The following KYNU variants were observed in gnomAD, a reference collection of about 807,000 sequenced individuals.
KYNU encodes the protein L-kynurenine hydrolase.
KYNU carries 54 observed loss-of-function variants against 59.2 expected under a neutral mutation model. The observed-to-expected ratio is 0.91, with a 90% confidence interval of 0.73 to 1.14. KYNU has a LOEUF of 1.14. Ranked by LOEUF, KYNU falls within the 50% of genes most tolerant of loss-of-function variation. KYNU has a pLI of 0.00. For missense variants in KYNU, 567 were observed against 554.4 expected, an observed-to-expected ratio of 1.02 and a Z score of -0.23; for synonymous variants, 177 against 192.0, an observed-to-expected ratio of 0.92 and a Z score of 0.65.
rs1687233743 is a variant in KYNU, at chr2:143,049,805, CTT to C, written c.*7634_*7635del. The C allele has an allele frequency of 6.6e-6, 1 of 152,066 alleles. No homozygotes were observed. The highest frequency in any genetic ancestry group is 1.5e-5 in the Non-Finnish European group (1 of 68,016). The allele number at this position is 152,066 out of a possible 1,614,324, so 9.4% of individuals were successfully genotyped here. ...TTCTGTTGGAGTTCACATATGATGC[CTT>C]GTTTCCTTTGTAGTTTTGTGATTGA... is the stretch of plus-strand genomic sequence containing the variant. On this transcript the variant is annotated 3_prime_UTR_variant, in exon 14 of 14. Transcript: ENST00000264170.
rs1289062510 is a variant in KYNU, at chr2:142,960,566, A to G, written c.583-58A>G. ...TCACGGTGAAATTTAGATCGGCAAT[A>G]TGAAATTACAAATTTATTATTATCG... is the stretch of plus-strand genomic sequence containing the variant. On this transcript the variant is annotated intron_variant, in intron 7 of 13. Transcript: ENST00000264170. 3 of 1,514,222 alleles carry G rather than the reference A, an allele frequency of 2.0e-6. No individual in the cohort carries two copies. The African/African-American group carries it at 4.1e-5, about 21-fold the overall frequency. 93.8% of individuals were successfully genotyped at this position (1,514,222 alleles called of 1,614,324 possible). A position where few individuals can be genotyped will look rare whatever the true frequency, so the allele number is the denominator to read the frequency against.
In KYNU at chr2:142,929,610, T is replaced by C. The variant is rs573429774; in HGVS notation, c.373+1869T>C. 3.3e-5 allele frequency among the ~76,000 whole-genome samples: 5 copies of C among 152,284 alleles called. 1 individual carries two copies. The South Asian group carries it at 1.0e-3, about 32-fold the overall frequency. ...GTTGGGTTGACAAAAGACATCAATC[T>C]ACACATGTGAAGTATCCATAGGTTT... On this transcript the variant is annotated intron_variant, in intron 4 of 13. Transcript: ENST00000264170.
At chr2:142,946,208 C>T (rs569297359) in intron 4 of KYNU, among the ~76,000 whole-genome samples, 8 of 151,956 alleles carry the variant, frequency 5.3e-5, no homozygotes, top group African/African-American at 7.3e-5. Flanking sequence ...CAGCTTCCCC[C>T]GAGTACCTGG....
At chr2:143,006,059 T>C (rs1189766144) in intron 10 of KYNU, among the ~76,000 whole-genome samples, 2 of 152,160 alleles carry the variant, frequency 1.3e-5, no homozygotes, top group African/African-American at 2.4e-5. Context: ...GGAGCCAAGA[T>C]GGCCGAATAG....
At chr2:142,953,382 A>T (rs1487967504) in intron 4 of KYNU, among the ~76,000 whole-genome samples, 1 of 152,232 alleles carries the variant, frequency 6.6e-6, no homozygotes, top group East Asian at 1.9e-4. Context: ...TCTTAAAGGC[A>T]TTCCCAGAAT....
At chr2:142,946,050 AT>A (rs1400638475) in intron 4 of KYNU, among the ~76,000 whole-genome samples, 4 of 151,308 alleles carry the variant, frequency 2.6e-5, no homozygotes, top group African/African-American at 4.9e-5. Flanking sequence ...TTTTTTCCAA[AT>A]TTTTAACTTT....
chr2:143,042,695 T>C lies in KYNU; in HGVS notation c.*523T>C, dbSNP rs1309645326. Reference sequence around the variant, plus strand: ...TATATATATGATAGTGGCTTTCAAATTTTTTTGGGTACAATCCACATTGCT... The same window carrying C: ...TATATATATGATAGTGGCTTTCAAACTTTTTTGGGTACAATCCACATTGCT... On this transcript the variant is annotated 3_prime_UTR_variant, in exon 14 of 14. Coordinates refer to ENST00000264170, the MANE Select transcript of KYNU (RefSeq NM_003937.3). 1 of 149,324 alleles carries C rather than the reference T, an allele frequency of 6.7e-6. No homozygotes were observed. The highest frequency in any genetic ancestry group is 2.0e-4 in the East Asian group (1 of 5,112). The allele number at this position is 149,324 out of a possible 1,614,324, so 9.2% of individuals were successfully genotyped here.
intron 2 of KYNU, among the ~76,000 whole-genome samples, chr2:142,896,470 C>T (rs999361040): frequency 5.9e-5 from 9 of 152,050 alleles, no homozygotes; most frequent in East Asian, 1.9e-4. Context: ...ATTTTGACTA[C>T]TTTTTTTTAA....
At chr2:142,960,433 T>A (rs1314977097) in intron 7 of KYNU, among the ~76,000 whole-genome samples, 191 bp from the exon 8 acceptor site, 1 of 152,202 alleles carries the variant, frequency 6.6e-6, no homozygotes, top group Non-Finnish European at 1.5e-5. Context: ...TTTTACTTTT[T>A]AATTATCATT....
chr2:142,912,501 T>C (rs1252117517), intron 2 of KYNU, among the ~76,000 whole-genome samples: 2 of 148,084 alleles, frequency 1.4e-5, no homozygotes. Flanking sequence ...TGCCTCAGCC[T>C]CCCAAGTAGC....
intron 12 of KYNU, 56 bp downstream of exon 12, chr2:143,033,377 T>G: frequency 1.6e-6 from 2 of 1,222,562 alleles, no homozygotes; most frequent in Non-Finnish European, 2.4e-6. Context: ...TTGATCTGTT[T>G]GTGACAATTC....
chr2:143,038,693 C>T (rs940546023), intron 12 of KYNU, among the ~76,000 whole-genome samples: 2 of 152,122 alleles, frequency 1.3e-5, no homozygotes, highest in Admixed American at 1.3e-4. Flanking sequence ...CATTTACCTT[C>T]AGTACAGTTC....
chr2:143,054,724 A>G lies in KYNU; in HGVS notation c.*12552A>G, dbSNP rs1033089145. 3.9e-5 allele frequency: 6 copies of G among 152,212 alleles called. No individual in the cohort carries two copies. The highest frequency in any genetic ancestry group is 8.8e-5 in the Non-Finnish European group (6 of 68,030). 9.4% of individuals were successfully genotyped at this position (152,212 alleles called of 1,614,324 possible). On this transcript the variant is annotated 3_prime_UTR_variant, in exon 14 of 14. Coordinates refer to ENST00000264170, the MANE Select transcript of KYNU (RefSeq NM_003937.3). ...TAGAGGGGCAATTAAATGATACCAT[A>G]AAGAGTCAAATACAGGGCATGCAAC...
At chr2:143,025,345 G>A (rs1421133035) in intron 10 of KYNU, among the ~76,000 whole-genome samples, 2 of 152,018 alleles carry the variant, frequency 1.3e-5, no homozygotes, top group Non-Finnish European at 2.9e-5. Flanking sequence ...GTTCGTCACT[G>A]AATGTGTTGA....
chr2:143,040,277 G>A (rs752571375), intron 12 of KYNU, 151 bp from the exon 13 acceptor site: 144 of 633,534 alleles, frequency 2.3e-4, no homozygotes, highest in Admixed American at 4.7e-4. Flanking sequence ...TTAAAGGAGG[G>A]CATGATTTTA....
chr2:142,945,601 C>G (rs1014741555), intron 4 of KYNU, among the ~76,000 whole-genome samples: 1 of 152,122 alleles, frequency 6.6e-6, no homozygotes, highest in African/African-American at 2.4e-5. Flanking sequence ...TGACCTCCTC[C>G]CAATAATCAT....
At chr2:142,999,325 A>G (rs565020280) in intron 10 of KYNU, among the ~76,000 whole-genome samples, 13 of 152,300 alleles carry the variant, frequency 8.5e-5, no homozygotes, top group Non-Finnish European at 1.8e-4. Context: ...TGATAGTATA[A>G]TTCATAGGAT....
chr2:142,881,552 A>G (rs139127511), intron 1 of KYNU: 1 of 152,318 alleles, frequency 6.6e-6, no homozygotes, highest in African/African-American at 2.4e-5. Flanking sequence ...TGGAGATTGA[A>G]TTGAATTCTA....
At chr2:142,985,750 C>T (rs1163387350) in intron 9 of KYNU, among the ~76,000 whole-genome samples, 198 bp from the exon 10 acceptor site, 3 of 151,854 alleles carry the variant, frequency 2.0e-5, no homozygotes, top group Non-Finnish European at 4.4e-5. Context: ...TTATTCTCAA[C>T]CTAATAATAC....
Sources: gnomAD v4.1 joint callset for allele counts (sites outside exome capture counted in the v4.1 genomes callset) on GRCh38, gnomAD v4.1.1 for gene constraint, MANE v1.5 for transcripts, NCBI Gene and HGNC (gene_info 2026-07-23, HGNC 2026-07-21) for gene names.